Variants in SPACA6 observed in about 807,000 individuals in gnomAD.
SPACA6 encodes the protein sperm acrosome membrane-associated protein 6.
For synonymous variants in SPACA6, 6 were observed against 1.5 expected, an observed-to-expected ratio of 4.05 and a Z score of -2.21; for missense variants, 8 against 2.8, an observed-to-expected ratio of 2.88 and a Z score of -1.34.
intron 2 of SPACA6, among the ~76,000 whole-genome samples, chr19:51,710,479 G>C (rs937828319): frequency 6.6e-6 from 1 of 152,222 alleles, no homozygotes; most frequent in African/African-American, 2.4e-5. Flanking sequence ...TGATGGAGGA[G>C]CAGGTTTCAC....
At chr19:51,686,504 T>C (rs1004288072), upstream of SPACA6, 1 of 152,192 alleles carries the variant, frequency 6.6e-6, no homozygotes, top group African/African-American at 2.4e-5. Context: ...AGAATGACAG[T>C]AACTCTAGAT....
intron 2 of SPACA6, among the ~76,000 whole-genome samples, chr19:51,695,304 G>A (rs574625848): frequency 4.4e-4 from 67 of 152,292 alleles, no homozygotes; most frequent in African/African-American, 1.5e-3. Flanking sequence ...AGCATGGGCG[G>A]TAATCATGCC....
downstream of SPACA6, among the ~76,000 whole-genome samples, chr19:51,710,185 G>C (rs535495301): frequency 6.6e-6 from 1 of 152,344 alleles, no homozygotes; most frequent in Admixed American, 6.5e-5. Context: ...AGGCCTATGT[G>C]AGTATTCTTA....
In SPACA6 at chr19:51,700,762, G is replaced by A. The variant is rs548195539; in HGVS notation, c.293-896G>A. ...CTATATATAAATATATGTAATTGCA[G>A]ACAGATGAGAGCTAGGAATGAAATG... On this transcript the variant is annotated intron_variant, in intron 2 of 8. Transcript: ENST00000637797. Among the ~76,000 whole-genome samples, 44 of 152,292 alleles carry A rather than the reference G, an allele frequency of 2.9e-4. 2 individuals are homozygous for A. Among genetic ancestry groups the A allele is most frequent in the African/African-American group, 9.9e-4 (41 of 41,558 alleles).
At chr19:51,684,559 A>AT (rs2083319810), upstream of SPACA6, among the ~76,000 whole-genome samples, 1 of 152,186 alleles carries the variant, frequency 6.6e-6, no homozygotes, top group African/African-American at 2.4e-5. Context: ...CCAGGGGCAA[A>AT]TTACCATTTG....
upstream of SPACA6, among the ~76,000 whole-genome samples, chr19:51,691,041 G>C (rs1339748095): frequency 1.3e-5 from 2 of 150,130 alleles, no homozygotes; most frequent in East Asian, 4.1e-4. Flanking sequence ...ACCCGTCTCC[G>C]GCCCCCGCCT....
chr19:51,693,139 G>C, upstream of SPACA6: 1 of 419,276 alleles, frequency 2.4e-6, no homozygotes, highest in East Asian at 5.9e-5. Context: ...ATATCTCTCT[G>C]TGTCTCTATT....
chr19:51,693,349 AC>A lies in SPACA6; in HGVS notation c.-176del, dbSNP rs2083392180. 1 of 738,424 alleles carries A rather than the reference AC, an allele frequency of 1.4e-6. No individual in the cohort carries two copies. Among genetic ancestry groups the A allele is most frequent in the African/African-American group, 1.7e-5 (1 of 58,434 alleles). 45.7% of individuals were successfully genotyped at this position (738,424 alleles called of 1,614,324 possible). A position where few individuals can be genotyped will look rare whatever the true frequency, so the allele number is the denominator to read the frequency against. On this transcript the variant is annotated 5_prime_UTR_variant, in exon 1 of 9. Transcript: ENST00000637797. ...AGCCTGGCGTCTGGCCCAACCACACACCTGGGGAATTGCTGGCCTGACTTCT... is the reference window on the plus strand; with the variant it reads ...AGCCTGGCGTCTGGCCCAACCACACACTGGGGAATTGCTGGCCTGACTTCT...
downstream of SPACA6, chr19:51,705,389 C>G: frequency 3.1e-6 from 1 of 324,768 alleles, no homozygotes; most frequent in Non-Finnish European, 5.6e-6. Flanking sequence ...AAGGCACCCT[C>G]AAATAGAGTC....
rs35624094 is a variant in SPACA6 at position 51,694,022 on chromosome 19, C to CAG, written c.214+282_214+283insAG. Reference sequence around the variant, plus strand: ...TCAGAGAGAGAGGAAGATGGAGACTCGGAAAGATGGAGACTCAGGAGTATG... The same window carrying CAG: ...TCAGAGAGAGAGGAAGATGGAGACTCAGGGAAAGATGGAGACTCAGGAGTATG... On this transcript the variant is annotated intron_variant, in intron 1 of 8. Coordinates refer to ENST00000637797, the MANE Select transcript of SPACA6 (RefSeq NM_001316972.2). 5 of 294,100 alleles carry CAG rather than the reference C, an allele frequency of 1.7e-5. No individual in the cohort carries two copies. In the South Asian group the frequency reaches 8.5e-4, roughly 50 times the overall value. The allele number at this position is 294,100 out of a possible 1,614,324, so 18.2% of individuals were successfully genotyped here. A position where few individuals can be genotyped will look rare whatever the true frequency, so the allele number is the denominator to read the frequency against.
rs1014436302 is a variant in SPACA6, at chr19:51,693,475, T to G, written c.-52T>G. 3 of 538,960 alleles carry G rather than the reference T, an allele frequency of 5.6e-6. No homozygotes were observed. In the Admixed American group the frequency reaches 7.9e-5, roughly 14 times the overall value. The allele number at this position is 538,960 out of a possible 1,614,324, so 33.4% of individuals were successfully genotyped here. A position where few individuals can be genotyped will look rare whatever the true frequency, so the allele number is the denominator to read the frequency against. On this transcript the variant is annotated 5_prime_UTR_variant, in exon 1 of 9. Coordinates refer to ENST00000637797, the MANE Select transcript of SPACA6 (RefSeq NM_001316972.2). ...GACCACTGGCCCTTCCCCCGCCCTG[T>G]GGTGACTTCATAAAGGTTACTAGCT...
chr19:51,690,406 T>G (rs188931263), upstream of SPACA6, among the ~76,000 whole-genome samples: 59 of 151,954 alleles, frequency 3.9e-4, no homozygotes, highest in African/African-American at 1.4e-3. Flanking sequence ...CCGGCATCTT[T>G]CTCCCTTTGA....
chr19:51,684,971 G>A (rs780298072), upstream of SPACA6, among the ~76,000 whole-genome samples: 3 of 152,186 alleles, frequency 2.0e-5, no homozygotes, highest in African/African-American at 4.8e-5. Flanking sequence ...TGGTGCTATC[G>A]GATTATCTTG....
upstream of SPACA6, among the ~76,000 whole-genome samples, chr19:51,691,805 G>T (rs34467678): frequency 0.16 from 23,468 of 149,822 alleles, 1,830 homozygotes; most frequent in African/African-American, 0.18. Flanking sequence ...CAGAGCCCAG[G>T]GGTGGGGAGG....
upstream of SPACA6, chr19:51,692,540 G>A (rs138326974): frequency 1.6e-3 from 761 of 473,838 alleles, 2 homozygotes; most frequent in Non-Finnish European, 1.0e-3. This position sits in a 1 kb window ranked among gnomAD's most constrained non-coding sequence, Gnocchi z 5.6. Flanking sequence ...TCCCTGATGA[G>A]GAAGGGGCTG....
At chr19:51,695,795 G>A (rs2122203849) in intron 2 of SPACA6, among the ~76,000 whole-genome samples, 1 of 152,338 alleles carries the variant, frequency 6.6e-6, no homozygotes, top group East Asian at 1.9e-4. Context: ...GCTGGGTGAG[G>A]GTCCAGGCCA....
At chr19:51,686,025 T>C (rs939805324), upstream of SPACA6, 6 of 152,182 alleles carry the variant, frequency 3.9e-5, no homozygotes, top group Non-Finnish European at 8.8e-5. Flanking sequence ...GTGAAGGCAA[T>C]GATGGATCCT....
chr19:51,704,351 A>AGC lies in SPACA6; in HGVS notation c.813_814dup (p.Leu272ArgfsTer2). The AGC allele has an allele frequency of 2.5e-6, 1 of 400,794 alleles. No individual in the cohort carries two copies. The highest frequency in any genetic ancestry group is 4.4e-6 in the Non-Finnish European group (1 of 226,160). 24.8% of individuals were successfully genotyped at this position (400,794 alleles called of 1,614,324 possible). On this transcript the variant is annotated frameshift_variant, in exon 8 of 9. Transcript: ENST00000637797. LOFTEE classifies it high-confidence loss of function. ...CTGCGCTGGGCGCCGCGGGATGCCG[A>AGC]GCTGATCGAGCCCTGGAGGCCCAGC... is the stretch of plus-strand genomic sequence containing the variant.
intron 2 of SPACA6, among the ~76,000 whole-genome samples, chr19:51,698,421 C>T (rs143645353): frequency 1.1e-3 from 173 of 152,274 alleles, no homozygotes; most frequent in African/African-American, 2.2e-3. Context: ...TAAGCCCACC[C>T]GGCCACCATG....
Sources: gnomAD v4.1 joint callset for allele counts (sites outside exome capture counted in the v4.1 genomes callset) on GRCh38, gnomAD v4.1.1 for gene constraint, Gnocchi (gnomAD v3.1) non-coding constraint, MANE v1.5 for transcripts, NCBI Gene and HGNC (gene_info 2026-07-23, HGNC 2026-07-21) for gene names.